Variants in SGCD observed in about 807,000 individuals in gnomAD.
SGCD encodes delta-sarcoglycan.
Under a neutral mutation model 36.6 loss-of-function variants are expected in SGCD, and 18 were observed. The observed-to-expected ratio is 0.49, with a 90% CI of 0.34 to 0.73. SGCD has a LOEUF of 0.73. Among genes scored for constraint, SGCD ranks in the 30% least tolerant of loss-of-function variants. The probability of loss-of-function intolerance (pLI) is 0.01; values close to 1 mark genes in which losing one functional copy is unlikely to be tolerated. For synonymous variants in SGCD, 133 were observed against 130.6 expected (o/e 1.02, Z -0.12); for missense variants, 387 against 346.7 (o/e 1.12, Z -0.92).
the SGCD span, among the ~76,000 whole-genome samples, chr5:155,786,347 G>T: frequency 6.6e-6 from 1 of 152,100 alleles, no homozygotes; most frequent in Non-Finnish European, 1.5e-5. Context: ...ACAGTCCCAG[G>T]TTCACATATG....
At chr5:156,121,427 T>C (rs1436877632) in intron 2 of SGCD, among the ~76,000 whole-genome samples, 1 of 152,142 alleles carries the variant, frequency 6.6e-6, no homozygotes, top group Non-Finnish European at 1.5e-5. Flanking sequence ...GGTTCCACAG[T>C]GGTGGAACCG....
intron 1 of SGCD, among the ~76,000 whole-genome samples, chr5:156,092,215 C>A (rs1027191659): frequency 6.6e-6 from 1 of 152,202 alleles, no homozygotes; most frequent in Non-Finnish European, 1.5e-5. Context: ...ATTTCTGAGT[C>A]CTTGCAAATA....
At chr5:156,707,959 AG>A (rs990821139) in intron 7 of SGCD, among the ~76,000 whole-genome samples, 3 of 152,168 alleles carry the variant, frequency 2.0e-5, no homozygotes, top group Non-Finnish European at 4.4e-5. Context: ...GGTGTCACTC[AG>A]GATAATTTTA....
At chr5:156,556,309 AC>A (rs1408620653) in intron 4 of SGCD, among the ~76,000 whole-genome samples, 1 of 151,862 alleles carries the variant, frequency 6.6e-6, no homozygotes, top group African/African-American at 2.4e-5. Flanking sequence ...CATTTTTGTC[AC>A]CCTGTGTCTT....
At chr5:156,191,874 T>C (rs1763901739) in intron 3 of SGCD, among the ~76,000 whole-genome samples, 1 of 152,166 alleles carries the variant, frequency 6.6e-6, no homozygotes, top group African/African-American at 2.4e-5. Context: ...TGGGATTCCC[T>C]AGTTAGGTTT....
In SGCD at chr5:156,146,179, C is replaced by G. The variant is rs543829485; in HGVS notation, c.-44+22160C>G. On this transcript the variant is annotated intron_variant, in intron 3 of 9. Coordinates refer to the SGCD transcript ENST00000517913. Reference sequence around the variant, plus strand: ...AGTGAGCTGAGATAGCGCCATTGCACTCCAGCCTGGGCGACAGAGCGAGAC... The same window carrying G: ...AGTGAGCTGAGATAGCGCCATTGCAGTCCAGCCTGGGCGACAGAGCGAGAC... Among the ~76,000 whole-genome samples the G allele has an allele frequency of 1.8e-4, 28 of 152,266 alleles. No homozygotes were observed. In the South Asian group the frequency reaches 5.0e-3, roughly 27 times the overall value.
intron 4 of SGCD, among the ~76,000 whole-genome samples, chr5:156,553,053 G>A (rs529924404): frequency 1.1e-3 from 160 of 152,314 alleles, no homozygotes; most frequent in East Asian, 3.1e-3. Context: ...TCCAAAAGGC[G>A]AAGGGCAGCC....
At chr5:156,682,398 T>C (rs1753753970) in intron 7 of SGCD, among the ~76,000 whole-genome samples, 1 of 152,192 alleles carries the variant, frequency 6.6e-6, no homozygotes, top group Non-Finnish European at 1.5e-5. Context: ...GTTAAATAGG[T>C]TCTAATGTGG....
chr5:156,145,435 G>C (rs1431255138), intron 3 of SGCD, among the ~76,000 whole-genome samples: 4 of 152,164 alleles, frequency 2.6e-5, no homozygotes, highest in Admixed American at 1.3e-4. Flanking sequence ...CTTTAGAGCA[G>C]TGTGAGAACA....
intron 1 of SGCD, among the ~76,000 whole-genome samples, chr5:155,903,060 C>T (rs1416752517): frequency 6.6e-6 from 1 of 152,134 alleles, no homozygotes; most frequent in Non-Finnish European, 1.5e-5. Context: ...CATGAAAATG[C>T]AAATGAGAAT....
the SGCD span, among the ~76,000 whole-genome samples, chr5:155,806,308 C>A: frequency 1.3e-5 from 2 of 152,144 alleles, no homozygotes; most frequent in Non-Finnish European, 2.9e-5. Context: ...GCACCCGCCA[C>A]CATGCCTGGC....
Position 156,752,751 on chromosome 5 carries a change from A to G in SGCD, c.576-4830A>G, listed in dbSNP as rs182319339. On this transcript the variant is annotated intron_variant, in intron 7 of 8. Coordinates refer to ENST00000337851, the MANE Select transcript of SGCD (RefSeq NM_000337.6). Reference sequence around the variant, plus strand: ...TTATATTATTTTGTGTCTATTCATAAAATTTAATAATTCAGATCAAAATTC... The same window carrying G: ...TTATATTATTTTGTGTCTATTCATAGAATTTAATAATTCAGATCAAAATTC... Among the ~76,000 whole-genome samples, 11 of 152,336 alleles carry G rather than the reference A, an allele frequency of 7.2e-5. No individual in the cohort carries two copies. The East Asian group carries it at 2.1e-3, about 29-fold the overall frequency.
At chr5:155,758,515 C>T in the SGCD span, among the ~76,000 whole-genome samples, 2 of 152,326 alleles carry the variant, frequency 1.3e-5, no homozygotes, top group East Asian at 3.9e-4. Context: ...TGGTACCGGT[C>T]CATGGCCTGT....
chr5:156,282,031 C>CA (rs201189503), intron 3 of SGCD, among the ~76,000 whole-genome samples: 6,936 of 143,524 alleles, frequency 0.048, 408 homozygotes, highest in African/African-American at 0.14. Context: ...ACTCCATATC[C>CA]AAAAAAAAAA....
At chr5:156,328,510 A>C (rs181317480) in intron 1 of SGCD, among the ~76,000 whole-genome samples, 2 of 152,348 alleles carry the variant, frequency 1.3e-5, no homozygotes, top group Admixed American at 1.3e-4. Flanking sequence ...TAGCTAATAG[A>C]AGAGCCTGAA....
chr5:155,901,922 C>A (rs990548777), intron 1 of SGCD, among the ~76,000 whole-genome samples: 5 of 152,130 alleles, frequency 3.3e-5, no homozygotes, highest in African/African-American at 4.8e-5. Flanking sequence ...GGGACTCTAC[C>A]CAAAGTACAG....
At chr5:156,072,032 G>A (rs144731242) in intron 1 of SGCD, among the ~76,000 whole-genome samples, 13,975 of 152,104 alleles carry the variant, frequency 0.092, 1,195 homozygotes, top group African/African-American at 0.23. Flanking sequence ...GTCTCTGCAC[G>A]TGAGATGGGT....
intron 6 of SGCD, among the ~76,000 whole-genome samples, chr5:156,641,637 T>A (rs932039942): frequency 2.6e-5 from 4 of 152,206 alleles, no homozygotes; most frequent in African/African-American, 9.6e-5. Context: ...CTAAAAAAGC[T>A]GGATATTATT....
chr5:156,696,915 AACACACACACACACACACACACAC>A (rs57963416), intron 7 of SGCD, among the ~76,000 whole-genome samples: 4,281 of 145,174 alleles, frequency 0.029, 85 homozygotes, highest in Non-Finnish European at 0.044. Context: ...CCTTACACAC[AACACACACACACACACACACACAC>A]ACACACACAC....
Sources: allele counts gnomAD v4.1 joint callset (sites outside exome capture counted in the v4.1 genomes callset), GRCh38; gene constraint gnomAD v4.1.1; transcripts MANE v1.5; gene names NCBI Gene and HGNC (gene_info 2026-07-23, HGNC 2026-07-21).